ASTN2: variants seen among roughly 807,000 people sequenced by gnomAD.
ASTN2 encodes astrotactin-2.
Under a neutral mutation model 139.8 loss-of-function variants are expected in ASTN2, and 54 were observed. That is an observed-to-expected ratio of 0.39 (90% confidence interval 0.31 to 0.48). The LOEUF (loss-of-function observed/expected upper bound fraction) is 0.48, where lower values mean the gene tolerates loss of function less well. Among genes scored for constraint, ASTN2 ranks in the 20% least tolerant of loss-of-function variants. The pLI is 0.95. For synonymous variants in ASTN2, 756 were observed against 719.5 expected, an observed-to-expected ratio of 1.05 and a Z score of -0.81; for missense variants, 1,565 against 1,725.1, an observed-to-expected ratio of 0.91 and a Z score of 1.64.
At chr9:116,886,478 C>G (rs1203410962) in intron 10 of ASTN2, among the ~76,000 whole-genome samples, 1 of 152,120 alleles carries the variant, frequency 6.6e-6, no homozygotes, top group African/African-American at 2.4e-5. Context: ...TTCAAGCAAT[C>G]CTCCTACCTC....
At chr9:116,438,359 A>C (rs1177842731) in intron 22 of ASTN2, among the ~76,000 whole-genome samples, 1 of 152,200 alleles carries the variant, frequency 6.6e-6, no homozygotes, top group Admixed American at 6.5e-5. Context: ...AGATAATCCC[A>C]ACTTCTTAAC....
At chr9:117,088,183 G>A (rs1203878799) in intron 5 of ASTN2, among the ~76,000 whole-genome samples, 1 of 152,190 alleles carries the variant, frequency 6.6e-6, no homozygotes, top group East Asian at 1.9e-4. Context: ...CCCTTGGTCA[G>A]TGGTCAAGGC....
intron 3 of ASTN2, among the ~76,000 whole-genome samples, chr9:117,152,969 T>C (rs1026896937): frequency 6.6e-6 from 1 of 152,172 alleles, no homozygotes; most frequent in African/African-American, 2.4e-5. Flanking sequence ...ATCCTCATAA[T>C]GTCCATGGTA....
chr9:117,071,658 GCGAGATTC>G (rs942454575), intron 5 of ASTN2, among the ~76,000 whole-genome samples: 3 of 149,362 alleles, frequency 2.0e-5, no homozygotes, highest in Non-Finnish European at 4.5e-5. Context: ...CTAGCAATCA[GCGAGATTC>G]CGTGGGCGTA....
At chr9:117,109,433 ATTAC>A (rs1829195119) in intron 4 of ASTN2, among the ~76,000 whole-genome samples, 1 of 152,150 alleles carries the variant, frequency 6.6e-6, no homozygotes, top group Non-Finnish European at 1.5e-5. Context: ...TTTCTCCAAG[ATTAC>A]ACCCAACTCT....
chr9:116,578,634 G>GTA (rs1853825239), intron 19 of ASTN2, among the ~76,000 whole-genome samples: 1 of 105,178 alleles, frequency 9.5e-6, no homozygotes, highest in African/African-American at 4.0e-5. Flanking sequence ...GTGTGTGTGT[G>GTA]TGTGTGTGTG....
At chr9:116,978,303 T>G (rs1287605692) in intron 7 of ASTN2, among the ~76,000 whole-genome samples, 1 of 152,172 alleles carries the variant, frequency 6.6e-6, no homozygotes, top group African/African-American at 2.4e-5. Context: ...TGACTTTGCT[T>G]ACTGCCTAGA....
At chr9:117,355,924 G>A (rs4837137) in intron 1 of ASTN2, among the ~76,000 whole-genome samples, 73,474 of 151,972 alleles carry the variant, frequency 0.48, 18,837 homozygotes, top group East Asian at 0.94. Flanking sequence ...GTTTCCCCCA[G>A]AGAACCCAGA....
chr9:117,313,361 T>A (rs1268615042), intron 1 of ASTN2, among the ~76,000 whole-genome samples: 1 of 152,082 alleles, frequency 6.6e-6, no homozygotes, highest in Non-Finnish European at 1.5e-5. Context: ...TCAGACAAGG[T>A]CTTCTGCTGC....
At chr9:116,952,122 G>T (rs1835579419) in intron 10 of ASTN2, among the ~76,000 whole-genome samples, 1 of 152,104 alleles carries the variant, frequency 6.6e-6, no homozygotes, top group Non-Finnish European at 1.5e-5. Context: ...ATTTGTAACT[G>T]CCTTTTAGTT....
At chr9:117,304,778 G>T (rs1000684955) in intron 1 of ASTN2, among the ~76,000 whole-genome samples, 19 of 152,200 alleles carry the variant, frequency 1.2e-4, no homozygotes, top group Non-Finnish European at 2.8e-4. Context: ...AATGATTACA[G>T]GACCCTTTTG....
intron 1 of ASTN2, among the ~76,000 whole-genome samples, chr9:117,316,867 C>T (rs17404479): frequency 0.047 from 7,111 of 152,120 alleles, 252 homozygotes; most frequent in Middle Eastern, 0.075. Context: ...CTGGGCCCAA[C>T]GAAGGTCAGA....
At chr9:117,365,249 G>C (rs984109047) in intron 1 of ASTN2, among the ~76,000 whole-genome samples, 85 of 146,166 alleles carry the variant, frequency 5.8e-4, no homozygotes, top group African/African-American at 2.1e-3. Flanking sequence ...AAGAAAGAGA[G>C]AGAGAAACAG....
intron 22 of ASTN2, among the ~76,000 whole-genome samples, chr9:116,436,757 C>T (rs551266393): frequency 6.6e-6 from 1 of 151,998 alleles, no homozygotes. Flanking sequence ...GACACATGCA[C>T]ACGTATGTTT....
intron 12 of ASTN2, among the ~76,000 whole-genome samples, chr9:116,811,994 T>A (rs1831179629): frequency 6.6e-6 from 1 of 152,222 alleles, no homozygotes; most frequent in Non-Finnish European, 1.5e-5. Flanking sequence ...AAATAAGGTA[T>A]ACATATAATT....
intron 10 of ASTN2, among the ~76,000 whole-genome samples, chr9:116,929,902 G>A (rs955239389): frequency 6.6e-6 from 1 of 152,206 alleles, no homozygotes; most frequent in African/African-American, 2.4e-5. Flanking sequence ...AAATGAGACT[G>A]TTGAGTTGTT....
chr9:116,829,567 G>A (rs2132282763), intron 11 of ASTN2, among the ~76,000 whole-genome samples: 1 of 152,192 alleles, frequency 6.6e-6, no homozygotes, highest in South Asian at 2.1e-4. Flanking sequence ...TCATGAAGAG[G>A]AAAGAGGCAC....
At chr9:117,376,152 G>A (rs1830119108) in intron 1 of ASTN2, among the ~76,000 whole-genome samples, 1 of 152,082 alleles carries the variant, frequency 6.6e-6, no homozygotes, top group Non-Finnish European at 1.5e-5. Flanking sequence ...ACATCTTTGG[G>A]GGACCATTAT....
At chr9:117,094,648 C>T (rs1342315994) in intron 5 of ASTN2, among the ~76,000 whole-genome samples, 2 of 152,160 alleles carry the variant, frequency 1.3e-5, no homozygotes, top group African/African-American at 4.8e-5. Context: ...GCTACAGAGG[C>T]TGCAAACCCT....
Sources: gnomAD v4.1 joint callset for allele counts (sites outside exome capture counted in the v4.1 genomes callset) on GRCh38, gnomAD v4.1.1 for gene constraint, MANE v1.5 for transcripts, NCBI Gene and HGNC (gene_info 2026-07-23, HGNC 2026-07-21) for gene names.